Variants in PCF11 observed in about 807,000 individuals in gnomAD.
PCF11 encodes PCF11 cleavage and polyadenylation factor subunit.
In PCF11, 19 loss-of-function variants were observed where a neutral mutation model predicts 166.1. The ratio of observed to expected loss-of-function variants is 0.11; its 90% confidence interval spans 0.08 to 0.17. The LOEUF is 0.17. Among genes scored for constraint, PCF11 ranks in the 10% least tolerant of loss-of-function variants. The pLI is 1.00. For missense variants in PCF11, 1,565 were observed against 1,855.5 expected, an observed-to-expected ratio of 0.84 and a Z score of 2.88; for synonymous variants, 663 against 644.1, an observed-to-expected ratio of 1.03 and a Z score of -0.44.
chr11:83,159,695 A>G (rs1860153666), intron 1 of PCF11, among the ~76,000 whole-genome samples: 1 of 152,086 alleles, frequency 6.6e-6, no homozygotes, highest in African/African-American at 2.4e-5. Context: ...CTGGGTTGGG[A>G]TCGAGGGTGA....
At chr11:83,169,354 A>G (rs1860593762) in exon 8 of PCF11, 2 of 1,613,412 alleles carry the variant, frequency 1.2e-6, no homozygotes, top group African/African-American at 2.7e-5. Context: ...AGGTGGAATG[A>G]GGTTTGAGGG....
At chr11:83,162,145 AT>A (rs1860281502) in intron 2 of PCF11, among the ~76,000 whole-genome samples, 1 of 152,164 alleles carries the variant, frequency 6.6e-6, no homozygotes, top group African/African-American at 2.4e-5. Flanking sequence ...AGGACAAGGG[AT>A]TTGCTGAGGT....
At chr11:83,166,657 A>C in exon 5 of PCF11, 1 of 1,606,158 alleles carries the variant, frequency 6.2e-7, no homozygotes, top group Non-Finnish European at 8.5e-7. Context: ...AATGTAGAAA[A>C]CTGGCAAAGT....
At chr11:83,173,839 C>T (rs535460208) in intron 9 of PCF11, among the ~76,000 whole-genome samples, 1 of 149,490 alleles carries the variant, frequency 6.7e-6, no homozygotes, top group African/African-American at 2.5e-5. Flanking sequence ...AAGCAGTTCT[C>T]CCGGGCTCAG....
At chr11:83,164,544 TATTA>T (rs1860378410) in intron 4 of PCF11, 143 bp downstream of exon 4, 1 of 651,670 alleles carries the variant, frequency 1.5e-6, no homozygotes, top group Non-Finnish European at 2.6e-6. Context: ...TGAGTATATT[TATTA>T]GACTATACTT....
rs537282770 is a variant in PCF11, at chr11:83,164,570, T to C, written c.702+169T>C. ...ATTAGACTATACTTTTATATCTTTA[T>C]TGTAAAATTCACTTGATTAAAAACT... On this transcript the variant is annotated intron_variant, in intron 4 of 15. Coordinates refer to ENST00000298281, the Ensembl canonical transcript of PCF11. Among the ~76,000 whole-genome samples, 3 of 152,338 alleles carry C rather than the reference T, an allele frequency of 2.0e-5. No homozygotes were observed. The South Asian group carries it at 6.2e-4, about 32-fold the overall frequency.
exon 16 of PCF11, chr11:83,184,841 A>G (rs748059433): frequency 1.3e-6 from 2 of 1,585,742 alleles, no homozygotes; most frequent in South Asian, 2.3e-5. Flanking sequence ...AGAGGAAAGC[A>G]TAGCAACACC....
chr11:83,157,691 C>T (rs892298773), intron 1 of PCF11, 60 bp downstream of exon 1: 13 of 1,466,918 alleles, frequency 8.9e-6, no homozygotes, highest in African/African-American at 2.8e-5. Flanking sequence ...TAGTGTCAGC[C>T]TCATCCCAGG....
chr11:83,165,939 T>C (rs1477616372), exon 5 of PCF11: 1 of 1,606,730 alleles, frequency 6.2e-7, no homozygotes, highest in Non-Finnish European at 8.5e-7. Flanking sequence ...AAAAAGTAAA[T>C]CAGGTGAAAA....
chr11:83,177,739 T>C, exon 11 of PCF11: 2 of 1,537,274 alleles, frequency 1.3e-6, no homozygotes, highest in Non-Finnish European at 1.8e-6. Context: ...CTGCTCAGCC[T>C]CCCCCTGAAG....
chr11:83,157,594 A>G (rs1419451813), exon 1 of PCF11: 1 of 1,614,038 alleles, frequency 6.2e-7, no homozygotes, highest in East Asian at 2.2e-5. Flanking sequence ...CCCTTCGCCA[A>G]GGAGATCGTC....
intron 5 of PCF11, 127 bp downstream of exon 5, chr11:83,166,841 C>T (rs1338237935): frequency 1.2e-6 from 1 of 814,810 alleles, no homozygotes; most frequent in African/African-American, 1.7e-5. Context: ...TCTTACATCT[C>T]TGTGGGTTAA....
At chr11:83,165,792 C>G (rs1362573578) in exon 5 of PCF11, 1 of 1,612,432 alleles carries the variant, frequency 6.2e-7, no homozygotes, top group Non-Finnish European at 8.5e-7. Flanking sequence ...GGATCCTCGT[C>G]TGAACAGGAT....
In PCF11 at chr11:83,185,611, T is replaced by TA. The variant is rs960881117; in HGVS notation, c.*720dup. 36 of 151,916 alleles carry TA rather than the reference T, an allele frequency of 2.4e-4. 1 individual carries two copies. Among genetic ancestry groups the TA allele is most frequent in the African/African-American group, 8.5e-4 (35 of 41,118 alleles). The allele number at this position is 151,916 out of a possible 1,614,324, so 9.4% of individuals were successfully genotyped here. A position where few individuals can be genotyped will look rare whatever the true frequency, so the allele number is the denominator to read the frequency against. On this transcript the variant is annotated 3_prime_UTR_variant, in exon 16 of 16. Transcript: ENST00000298281. Reference sequence around the variant, plus strand: ...TAAGTACTAAAGGTGATTTTTTTTTTAAAGACTTTTTCAAATTGTCAAATG... The same window carrying TA: ...TAAGTACTAAAGGTGATTTTTTTTTTAAAAGACTTTTTCAAATTGTCAAATG...
At chr11:83,187,007 A>ACC (rs889924372) in exon 16 of PCF11, 1 of 152,526 alleles carries the variant, frequency 6.6e-6, no homozygotes, top group African/African-American at 2.4e-5. Context: ...TCAAAAAGAA[A>ACC]ATGGGAAAAC....
intron 9 of PCF11, among the ~76,000 whole-genome samples, chr11:83,174,664 CT>C (rs1860814540): frequency 6.6e-6 from 1 of 151,974 alleles, no homozygotes; most frequent in Non-Finnish European, 1.5e-5. Context: ...TATTATTACC[CT>C]TTTTACAGGC....
At chr11:83,169,775 C>A (rs761671782) in exon 8 of PCF11, 1 of 1,613,752 alleles carries the variant, frequency 6.2e-7, no homozygotes, top group East Asian at 2.2e-5. Flanking sequence ...AATGCCCCAT[C>A]CCAAGGACTA....
intron 3 of PCF11, 64 bp from the exon 4 acceptor site, chr11:83,164,143 T>G: frequency 8.6e-7 from 1 of 1,161,744 alleles, no homozygotes; most frequent in Non-Finnish European, 1.2e-6. Flanking sequence ...AGCTGATAAT[T>G]TTTACTCCCT....
chr11:83,163,739 C>T, exon 3 of PCF11: 1 of 1,593,020 alleles, frequency 6.3e-7, no homozygotes, highest in Non-Finnish European at 8.6e-7. Context: ...TGAAATATTC[C>T]CTTTGAAGAA....
Sources: gnomAD v4.1 joint callset for allele counts (sites outside exome capture counted in the v4.1 genomes callset) on GRCh38, gnomAD v4.1.1 for gene constraint, MANE v1.5 for transcripts, NCBI Gene and HGNC (gene_info 2026-07-23, HGNC 2026-07-21) for gene names.